The following NFATC1 variants were observed in gnomAD, a reference collection of about 807,000 sequenced individuals.
NFATC1 encodes the protein nuclear factor of activated T cells 1.
NFATC1 carries 22 observed loss-of-function variants against 76.0 expected under a neutral mutation model. That is an observed-to-expected ratio of 0.29 (90% CI 0.21 to 0.41). The LOEUF (loss-of-function observed/expected upper bound fraction) is 0.41, where lower values mean the gene tolerates loss of function less well. NFATC1 is among the 10% of genes least tolerant of loss of function. The pLI is 1.00. For synonymous variants in NFATC1, 704 were observed against 613.1 expected, an observed-to-expected ratio of 1.15 and a Z score of -2.19; for missense variants, 1,357 against 1,337.7, an observed-to-expected ratio of 1.01 and a Z score of -0.23.
chr18:79,489,719 C>A (rs114531951), intron 9 of NFATC1, among the ~76,000 whole-genome samples: 2 of 152,310 alleles, frequency 1.3e-5, no homozygotes, highest in Non-Finnish European at 2.9e-5. Flanking sequence ...ACAGTCATCT[C>A]GTCCACGTAC....
chr18:79,434,691 A>G (rs943296321), intron 3 of NFATC1, among the ~76,000 whole-genome samples: 4 of 152,272 alleles, frequency 2.6e-5, no homozygotes, highest in South Asian at 4.1e-4. Flanking sequence ...GCAAGCCGGA[A>G]GGGGTGTTCA....
intron 8 of NFATC1, among the ~76,000 whole-genome samples, chr18:79,474,877 C>T (rs2088982271): frequency 6.8e-6 from 1 of 146,280 alleles, no homozygotes; most frequent in African/African-American, 2.6e-5. Context: ...TGTTCTCACG[C>T]TCACTGTCGA....
intron 9 of NFATC1, among the ~76,000 whole-genome samples, chr18:79,517,494 C>T (rs2090411522): frequency 6.6e-6 from 1 of 152,162 alleles, no homozygotes; most frequent in Non-Finnish European, 1.5e-5. Context: ...AGAAGGGAGC[C>T]TGCTGGACGG....
In NFATC1 at chr18:79,396,186, C is replaced by T. The variant is rs1377409351; in HGVS notation, c.-39C>T. 7.0e-7 allele frequency: 1 copy of T among 1,434,938 alleles called. No homozygotes were observed. The highest frequency in any genetic ancestry group is 2.3e-5 in the Admixed American group (1 of 42,998). 88.9% of individuals were successfully genotyped at this position (1,434,938 alleles called of 1,614,324 possible). Reference sequence around the variant, plus strand: ...GCGCGGGGCGGCCGCTTCTCCTGTGCCTCCGCCCGCCGCTCCACTCCCCGC... The same window carrying T: ...GCGCGGGGCGGCCGCTTCTCCTGTGTCTCCGCCCGCCGCTCCACTCCCCGC... On this transcript the variant is annotated 5_prime_UTR_variant, in exon 1 of 10. Coordinates refer to ENST00000427363, the MANE Select transcript of NFATC1 (RefSeq NM_001278669.2).
intron 1 of NFATC1, among the ~76,000 whole-genome samples, chr18:79,409,469 A>G (rs554103403): frequency 1.2e-3 from 182 of 150,664 alleles, no homozygotes; most frequent in Non-Finnish European, 8.9e-4. Context: ...TTTACCTATC[A>G]TGCCTCCATC....
chr18:79,487,563 C>T (rs1170409391), intron 9 of NFATC1, among the ~76,000 whole-genome samples: 6 of 152,216 alleles, frequency 3.9e-5, no homozygotes, highest in African/African-American at 1.2e-4. Flanking sequence ...ACACCGCACA[C>T]CTGGGGTTGT....
intron 2 of NFATC1, among the ~76,000 whole-genome samples, chr18:79,412,634 G>T (rs1169803638): frequency 2.0e-5 from 3 of 152,196 alleles, no homozygotes; most frequent in Admixed American, 6.5e-5. Flanking sequence ...GCTGGAGCAC[G>T]CATGGACAGA....
Position 79,440,001 on chromosome 18 carries a change from G to T in NFATC1, c.1386+6263G>T, listed in dbSNP as rs191675725. Among the ~76,000 whole-genome samples, 848 of 152,284 alleles carry T rather than the reference G, an allele frequency of 5.6e-3. 5 individuals are homozygous for T. The highest frequency in any genetic ancestry group is 0.019 in the African/African-American group (776 of 41,542). On this transcript the variant is annotated intron_variant, in intron 3 of 9. Transcript: ENST00000427363. ...GGGGAAGGCGTGTGGCCTCTGGCAG[G>T]TCTGCGACACTGATTTCTAACTACC...
chr18:79,466,702 G>A (rs554963914), intron 7 of NFATC1, among the ~76,000 whole-genome samples: 3 of 152,340 alleles, frequency 2.0e-5, no homozygotes, highest in African/African-American at 7.2e-5. Flanking sequence ...GGGGTCTGCG[G>A]GGGTCAGGGC....
chr18:79,468,678 A>C (rs980053568), intron 8 of NFATC1: 1 of 152,262 alleles, frequency 6.6e-6, no homozygotes, highest in Non-Finnish European at 1.5e-5. Context: ...CCCCACGTTC[A>C]CACCAAACTG....
Position 79,473,530 on chromosome 18 carries a change from C to T in NFATC1, c.2092+5948C>T, listed in dbSNP as rs553671923. On this transcript the variant is annotated intron_variant, in intron 8 of 9. Transcript: ENST00000427363. Reference sequence around the variant, plus strand: ...CGTAAACCTGAGGGAAGCGTGTTCTCGCGCTCACTGTCGACGTAAACCTGA... The same window carrying T: ...CGTAAACCTGAGGGAAGCGTGTTCTTGCGCTCACTGTCGACGTAAACCTGA... Among the ~76,000 whole-genome samples, 81 of 148,870 alleles carry T rather than the reference C, an allele frequency of 5.4e-4. 1 individual carries two copies. Among genetic ancestry groups the T allele is most frequent in the Non-Finnish European group, 1.0e-3 (70 of 67,928 alleles).
intron 9 of NFATC1, among the ~76,000 whole-genome samples, chr18:79,523,463 G>T (rs1179161791): frequency 6.6e-6 from 1 of 152,260 alleles, no homozygotes; most frequent in Non-Finnish European, 1.5e-5. Context: ...GTTATGTGAA[G>T]GTACGAATAC....
intron 9 of NFATC1, chr18:79,527,306 G>A (rs1289958694): frequency 7.5e-6 from 4 of 536,110 alleles, no homozygotes; most frequent in African/African-American, 5.7e-5. Flanking sequence ...CCGTGCTACG[G>A]ACGAGGGCGG....
rs1203059279 is a variant in NFATC1 at position 79,427,483 on chromosome 18, GCCTCTGTGCGGTGGGTCGGGGGA to G, written c.1227-6095_1227-6073del. 2.2e-3 allele frequency among the ~76,000 whole-genome samples: 169 copies of G among 76,308 alleles called. 10 individuals carry two copies. The highest frequency in any genetic ancestry group is 9.3e-3 in the Middle Eastern group (1 of 108). 50.1% of individuals were successfully genotyped at this position (76,308 alleles called of 152,430 possible). A position where few individuals can be genotyped will look rare whatever the true frequency, so the allele number is the denominator to read the frequency against. ...GCGGTGGGTGGGGGCTGTACCACTG[GCCTCTGTGCGGTGGGTCGGGGGA>G]AGCTGGACGGCTGGCCTCTGTGCAG... is the stretch of plus-strand genomic sequence containing the variant. On this transcript the variant is annotated intron_variant, in intron 2 of 9. Transcript: ENST00000427363.
chr18:79,400,429 T>A, intron 1 of NFATC1: 1 of 1,495,564 alleles, frequency 6.7e-7, no homozygotes, highest in East Asian at 2.9e-5. Context: ...GACTTCGAGT[T>A]CCTCTTCGAG....
At chr18:79,397,592 C>T (rs1239902276) in intron 1 of NFATC1, among the ~76,000 whole-genome samples, 2 of 152,194 alleles carry the variant, frequency 1.3e-5, no homozygotes, top group African/African-American at 2.4e-5. Flanking sequence ...AAACCATGTC[C>T]CGTGTCAGTG....
Position 79,524,207 on chromosome 18 carries a change from C to T in NFATC1, c.2783-3321C>T, listed in dbSNP as rs971284215. 5.3e-5 allele frequency among the ~76,000 whole-genome samples: 8 copies of T among 152,156 alleles called. No individual in the cohort carries two copies. The highest frequency in any genetic ancestry group is 2.1e-4 in the South Asian group (1 of 4,830). On this transcript the variant is annotated intron_variant, in intron 9 of 9. Coordinates refer to ENST00000427363, the MANE Select transcript of NFATC1 (RefSeq NM_001278669.2). The surrounding 1 kb of genome is among the most constrained non-coding windows in gnomAD (Gnocchi z 7.2). ...GTCCTGTCTTTCAGCCCAGCGCCAGCGAGCCACATGGCCTCAGACCAACCC... is the reference window on the plus strand; with the variant it reads ...GTCCTGTCTTTCAGCCCAGCGCCAGTGAGCCACATGGCCTCAGACCAACCC...
At chr18:79,411,560 A>C (rs2085685766) in intron 2 of NFATC1, 59 bp downstream of exon 2, 65 of 977,642 alleles carry the variant, frequency 6.6e-5, no homozygotes, top group Non-Finnish European at 8.0e-5. Context: ...GCGGGGCGGA[A>C]CGCGGGGAGC....
intron 7 of NFATC1, among the ~76,000 whole-genome samples, chr18:79,467,219 C>A (rs943064557): frequency 6.6e-6 from 1 of 152,212 alleles, no homozygotes; most frequent in Non-Finnish European, 1.5e-5. Context: ...CACAGAGCAT[C>A]CAGGGCTGTC....
Sources: allele counts gnomAD v4.1 joint callset (sites outside exome capture counted in the v4.1 genomes callset), GRCh38; gene constraint gnomAD v4.1.1; non-coding constraint Gnocchi (gnomAD v3.1); transcripts MANE v1.5; gene names NCBI Gene and HGNC (gene_info 2026-07-23, HGNC 2026-07-21).